DLC1: variants seen among roughly 807,000 people sequenced by gnomAD.
The protein encoded by DLC1 is rho GTPase-activating protein 7.
Under a neutral mutation model 140.3 loss-of-function variants are expected in DLC1, and 54 were observed. That is an observed-to-expected ratio of 0.38 (90% CI 0.31 to 0.48). The LOEUF is 0.48. Among genes scored for constraint, DLC1 ranks in the 20% least tolerant of loss-of-function variants. The probability of loss-of-function intolerance (pLI) is 0.96; values close to 1 mark genes in which losing one functional copy is unlikely to be tolerated. For synonymous variants in DLC1, 986 were observed against 728.1 expected (o/e 1.35, Z -5.70); for missense variants, 2,536 against 1,907.0 (o/e 1.33, Z -6.14).
At chr8:13,163,672 G>C (rs1824887776) in intron 5 of DLC1, among the ~76,000 whole-genome samples, 1 of 152,034 alleles carries the variant, frequency 6.6e-6, no homozygotes, top group African/African-American at 2.4e-5. Context: ...GCAGCCTAGG[G>C]AGAAGGAGCT....
intron 4 of DLC1, among the ~76,000 whole-genome samples, chr8:13,357,012 T>G (rs1258352549): frequency 2.0e-5 from 3 of 152,132 alleles, no homozygotes; most frequent in South Asian, 2.1e-4. Context: ...TTCACGCCTG[T>G]AATCCCAACA....
At chr8:13,301,105 A>G (rs1251712606) in intron 5 of DLC1, among the ~76,000 whole-genome samples, 1 of 152,180 alleles carries the variant, frequency 6.6e-6, no homozygotes, top group Non-Finnish European at 1.5e-5. Flanking sequence ...GACTGTGGAT[A>G]CAGGAGGATA....
At chr8:13,409,906 G>C (rs1256366770) in intron 2 of DLC1, among the ~76,000 whole-genome samples, 1 of 152,046 alleles carries the variant, frequency 6.6e-6, no homozygotes, top group Non-Finnish European at 1.5e-5. Context: ...GCTAAGCTAT[G>C]TGTTTTTAAA....
intron 4 of DLC1, among the ~76,000 whole-genome samples, chr8:13,311,076 C>A (rs1464548329): frequency 6.6e-6 from 1 of 152,142 alleles, no homozygotes; most frequent in Admixed American, 6.5e-5. Flanking sequence ...CACTAGGATA[C>A]ATAATTATAA....
At chr8:13,255,575 ACAG>A (rs1238561921) in intron 5 of DLC1, among the ~76,000 whole-genome samples, 2 of 152,238 alleles carry the variant, frequency 1.3e-5, no homozygotes, top group Non-Finnish European at 2.9e-5. Context: ...GTTGAAAACT[ACAG>A]CTTTCTACTT....
intron 5 of DLC1, among the ~76,000 whole-genome samples, chr8:13,248,168 C>A (rs991327624): frequency 6.6e-6 from 1 of 152,198 alleles, no homozygotes; most frequent in African/African-American, 2.4e-5. Flanking sequence ...CACTCCTTTG[C>A]TCCTGTTTCT....
chr8:13,334,485 G>A (rs940574996), intron 4 of DLC1, among the ~76,000 whole-genome samples: 1 of 152,134 alleles, frequency 6.6e-6, no homozygotes, highest in East Asian at 1.9e-4. Context: ...GTGCACATGG[G>A]GTAGACTGCG....
chr8:13,336,959 C>G (rs560759451), intron 4 of DLC1, among the ~76,000 whole-genome samples: 1 of 151,662 alleles, frequency 6.6e-6, no homozygotes, highest in African/African-American at 2.4e-5. Context: ...TAATAGTTAG[C>G]TAAAGCAGAT....
intron 1 of DLC1, among the ~76,000 whole-genome samples, chr8:13,600,348 C>G (rs1363218334): frequency 6.6e-6 from 1 of 151,762 alleles, no homozygotes; most frequent in African/African-American, 2.4e-5. Flanking sequence ...AAATAAGGAC[C>G]TGAAGTAATT....
At chr8:13,387,414 A>T (rs1202401823) in intron 4 of DLC1, among the ~76,000 whole-genome samples, 1 of 152,022 alleles carries the variant, frequency 6.6e-6, no homozygotes, top group East Asian at 1.9e-4. Flanking sequence ...AAACAAAATA[A>T]AGCTATCACT....
At chr8:13,541,093 C>T (rs55947145) in intron 1 of DLC1, among the ~76,000 whole-genome samples, 18,410 of 152,124 alleles carry the variant, frequency 0.12, 1,306 homozygotes, top group Non-Finnish European at 0.14. Context: ...AGTGTACAAT[C>T]TGTTTTTGAC....
chr8:13,574,585 A>G (rs1281522304), intron 1 of DLC1, among the ~76,000 whole-genome samples: 2 of 152,114 alleles, frequency 1.3e-5, no homozygotes, highest in African/African-American at 4.8e-5. Context: ...GTACATAATT[A>G]TACAAATGTA....
chr8:13,309,568 T>C (rs1269281230), intron 4 of DLC1, among the ~76,000 whole-genome samples: 1 of 152,192 alleles, frequency 6.6e-6, no homozygotes, highest in Non-Finnish European at 1.5e-5. Flanking sequence ...TAAAGCTATA[T>C]GTGGGAGCTT....
intron 5 of DLC1, among the ~76,000 whole-genome samples, chr8:13,140,734 A>C (rs926701026): frequency 1.3e-5 from 2 of 152,020 alleles, no homozygotes; most frequent in African/African-American, 4.8e-5. Context: ...TGTTCTTTTC[A>C]ATTATTAACT....
At chr8:13,567,971 T>A (rs1480565458) in intron 1 of DLC1, 1 of 1,509,972 alleles carries the variant, frequency 6.6e-7, no homozygotes, top group East Asian at 2.5e-5. Context: ...ATGTCTTTGT[T>A]GTGTATTTGA....
intron 4 of DLC1, among the ~76,000 whole-genome samples, chr8:13,373,224 T>C (rs1835807650): frequency 6.6e-6 from 1 of 152,112 alleles, no homozygotes; most frequent in East Asian, 1.9e-4. Context: ...ATTATGAATC[T>C]TTTTCTTAAT....
chr8:13,468,903 C>G (rs1287874728), intron 2 of DLC1, among the ~76,000 whole-genome samples: 2 of 147,846 alleles, frequency 1.4e-5, no homozygotes, highest in Non-Finnish European at 3.0e-5. Flanking sequence ...TCACTGCAAC[C>G]TCGGCCTCCC....
chr8:13,091,288 A>G, intron 14 of DLC1, 30 bp downstream of exon 14: 1 of 1,610,052 alleles, frequency 6.2e-7, no homozygotes, highest in Non-Finnish European at 8.5e-7. Flanking sequence ...ATTATCCTTA[A>G]TAAAGGAGCC....
Position 13,472,282 on chromosome 8 carries a change from C to G in DLC1, c.1023+26767G>C, listed in dbSNP as rs927259751. ...GCTGTTCTCAGTACAGATTTAAATGCGTGTATACACACATATGTACATTAA... is the reference window on the plus strand; with the variant it reads ...GCTGTTCTCAGTACAGATTTAAATGGGTGTATACACACATATGTACATTAA... On this transcript the variant is annotated intron_variant, in intron 2 of 17. Coordinates refer to ENST00000276297, the MANE Select transcript of DLC1 (RefSeq NM_182643.3). 1.6e-4 allele frequency among the ~76,000 whole-genome samples: 24 copies of G among 151,914 alleles called. 1 individual carries two copies. The highest frequency in any genetic ancestry group is 1.3e-4 in the Non-Finnish European group (9 of 68,020).
Sources: gnomAD v4.1 joint callset for allele counts (sites outside exome capture counted in the v4.1 genomes callset) on GRCh38, gnomAD v4.1.1 for gene constraint, MANE v1.5 for transcripts, NCBI Gene and HGNC (gene_info 2026-07-23, HGNC 2026-07-21) for gene names.